Variants in SLC44A5 observed in about 807,000 individuals in gnomAD.
SLC44A5 encodes choline transporter-like protein 5.
A neutral mutation model predicts 101.8 loss-of-function variants in SLC44A5; 57 were observed. The observed-to-expected ratio is 0.56, with a 90% CI of 0.45 to 0.70. SLC44A5 has a LOEUF of 0.70. Among genes scored for constraint, SLC44A5 ranks in the 30% least tolerant of loss-of-function variants. The pLI is 0.00. For synonymous variants in SLC44A5, 281 were observed against 290.9 expected (o/e 0.97, Z 0.35); for missense variants, 737 against 853.1 (o/e 0.86, Z 1.70).
At chr1:75,479,138 C>A (rs1667646019) in intron 2 of SLC44A5, among the ~76,000 whole-genome samples, 1 of 152,200 alleles carries the variant, frequency 6.6e-6, no homozygotes, top group South Asian at 2.1e-4. Flanking sequence ...GAACAACCTG[C>A]TCCTGAATGA....
chr1:75,665,131 C>CA, the SLC44A5 span, among the ~76,000 whole-genome samples: 6 of 151,324 alleles, frequency 4.0e-5, no homozygotes, highest in South Asian at 2.1e-4. Context: ...AGGAAACAAA[C>CA]AAAAAAAAGA....
chr1:75,447,416 TTAA>T (rs1257259340), intron 2 of SLC44A5, among the ~76,000 whole-genome samples: 4 of 152,194 alleles, frequency 2.6e-5, no homozygotes, highest in African/African-American at 9.6e-5. Context: ...TAATACTTTG[TTAA>T]TAATTAAGTC....
intron 3 of SLC44A5, among the ~76,000 whole-genome samples, chr1:75,375,957 TG>T (rs1660558436): frequency 6.6e-6 from 1 of 152,040 alleles, no homozygotes; most frequent in Non-Finnish European, 1.5e-5. Flanking sequence ...TGCCAGGCAG[TG>T]GGCGCAGGTC....
rs562367345 is a variant in SLC44A5, at chr1:75,476,324, G to A, written c.13+65111C>T. Among the ~76,000 whole-genome samples the A allele has an allele frequency of 9.8e-5, 15 of 152,314 alleles. No individual in the cohort carries two copies. The South Asian group carries it at 1.9e-3, about 19-fold the overall frequency. On this transcript the variant is annotated intron_variant, in intron 2 of 23. Transcript: ENST00000370859. Reference sequence around the variant, plus strand: ...GTCTACAGCTCCCAGCGTGAGTGACGCAGAAGATGGGTGATTTCTGCATTT... The same window carrying A: ...GTCTACAGCTCCCAGCGTGAGTGACACAGAAGATGGGTGATTTCTGCATTT...
At chr1:75,715,847 A>C in the SLC44A5 span, among the ~76,000 whole-genome samples, 1 of 152,216 alleles carries the variant, frequency 6.6e-6, no homozygotes, top group Admixed American at 6.5e-5. Context: ...ACCATCAACA[A>C]AGTAAGCAGA....
chr1:75,250,791 A>G (rs1353831540), intron 7 of SLC44A5, among the ~76,000 whole-genome samples: 1 of 152,176 alleles, frequency 6.6e-6, no homozygotes, highest in Non-Finnish European at 1.5e-5. Context: ...GAGAGTACCT[A>G]CTGACCACAG....
At chr1:75,301,902 T>G (rs914653410) in intron 4 of SLC44A5, among the ~76,000 whole-genome samples, 15 of 152,170 alleles carry the variant, frequency 9.9e-5, no homozygotes, top group Admixed American at 3.3e-4. Context: ...TTAAAATAGC[T>G]ACATCTAAAA....
At chr1:75,506,907 C>CTTTTTTTTTTTT (rs61554987) in intron 2 of SLC44A5, among the ~76,000 whole-genome samples, 34 of 68,756 alleles carry the variant, frequency 4.9e-4, no homozygotes, top group East Asian at 1.4e-3. Flanking sequence ...TATTCCTATT[C>CTTTTTTTTTTTT]TTTTTTTTTT....
chr1:75,576,518 C>A (rs1305035715), intron 1 of SLC44A5, among the ~76,000 whole-genome samples: 1 of 151,974 alleles, frequency 6.6e-6, no homozygotes, highest in East Asian at 1.9e-4. Flanking sequence ...CGGGGTTTCA[C>A]CGTGTTAGCC....
intron 2 of SLC44A5, among the ~76,000 whole-genome samples, chr1:75,494,055 G>A (rs1251004392): frequency 6.6e-6 from 1 of 152,162 alleles, no homozygotes; most frequent in Non-Finnish European, 1.5e-5. Context: ...AACTCACATT[G>A]AAATTAACAA....
chr1:75,639,894 G>A, the SLC44A5 span, among the ~76,000 whole-genome samples: 2 of 151,934 alleles, frequency 1.3e-5, no homozygotes, highest in African/African-American at 4.8e-5. Flanking sequence ...CAGCCTTGGG[G>A]TTGAGGAATT....
chr1:75,445,214 C>A (rs546409111), intron 2 of SLC44A5, among the ~76,000 whole-genome samples: 1 of 152,164 alleles, frequency 6.6e-6, no homozygotes, highest in South Asian at 2.1e-4. Context: ...AATTCTCACT[C>A]TATTAGTTCA....
intron 5 of SLC44A5, among the ~76,000 whole-genome samples, chr1:75,288,276 C>T (rs1298051808): frequency 1.3e-5 from 2 of 152,146 alleles, no homozygotes; most frequent in Non-Finnish European, 2.9e-5. Context: ...TGATTTAACA[C>T]ATGGAATCCT....
chr1:75,572,952 G>A (rs766419130), intron 1 of SLC44A5, among the ~76,000 whole-genome samples: 4 of 151,360 alleles, frequency 2.6e-5, no homozygotes, highest in Admixed American at 2.0e-4. Flanking sequence ...GCAAAACCCC[G>A]TCTCTACTAA....
At chr1:75,564,603 T>TTTTTTTTATTTATTTATTTATTTA (rs369104614) in intron 1 of SLC44A5, among the ~76,000 whole-genome samples, 6 of 138,042 alleles carry the variant, frequency 4.3e-5, no homozygotes, top group Non-Finnish European at 6.2e-5. Flanking sequence ...TTTTTTTAAT[T>TTTTTTTTATTTATTTATTTATTTA]TTTATTTATT....
intron 3 of SLC44A5, among the ~76,000 whole-genome samples, chr1:75,350,903 A>C (rs1184779596): frequency 6.6e-6 from 1 of 151,646 alleles, no homozygotes; most frequent in Non-Finnish European, 1.5e-5. Context: ...CAAAAAAAAA[A>C]AAAAAAAAGA....
chr1:75,443,593 AT>A (rs1263483660), intron 2 of SLC44A5, among the ~76,000 whole-genome samples: 2 of 152,096 alleles, frequency 1.3e-5, no homozygotes, highest in African/African-American at 2.4e-5. Context: ...CAAAATCCAT[AT>A]TTTTTTAAAG....
intron 1 of SLC44A5, among the ~76,000 whole-genome samples, chr1:75,585,466 C>T (rs966064431): frequency 1.3e-5 from 2 of 152,220 alleles, no homozygotes; most frequent in South Asian, 2.1e-4. Flanking sequence ...AGAATACCCA[C>T]TTCAGTGATT....
intron 4 of SLC44A5, among the ~76,000 whole-genome samples, chr1:75,310,348 T>C (rs1477255432): frequency 6.6e-6 from 1 of 152,202 alleles, no homozygotes; most frequent in Non-Finnish European, 1.5e-5. Flanking sequence ...TTCATGTTTA[T>C]GCCTCATGTC....
Sources: allele counts gnomAD v4.1 joint callset (sites outside exome capture counted in the v4.1 genomes callset), GRCh38; gene constraint gnomAD v4.1.1; transcripts MANE v1.5; gene names NCBI Gene and HGNC (gene_info 2026-07-23, HGNC 2026-07-21).